PPFIA2: variants seen among roughly 807,000 people sequenced by gnomAD.
PPFIA2 encodes liprin-alpha-2.
PPFIA2 carries 46 observed loss-of-function variants against 175.5 expected under a neutral mutation model. That is an observed-to-expected ratio of 0.26 (90% confidence interval 0.21 to 0.34). PPFIA2 has a LOEUF of 0.34. Among genes scored for constraint, PPFIA2 ranks in the 10% least tolerant of loss-of-function variants. PPFIA2 has a pLI of 1.00. For missense variants in PPFIA2, 1,179 were observed against 1,506.1 expected, an observed-to-expected ratio of 0.78 and a Z score of 3.60; for synonymous variants, 568 against 511.4, an observed-to-expected ratio of 1.11 and a Z score of -1.49.
intron 4 of PPFIA2, among the ~76,000 whole-genome samples, chr12:81,659,677 T>C (rs2153544401): frequency 6.6e-6 from 1 of 152,276 alleles, no homozygotes; most frequent in South Asian, 2.1e-4. Context: ...CAGACTTTAA[T>C]GTCCCTGTCT....
At chr12:81,605,610 T>C (rs780570382) in intron 4 of PPFIA2, among the ~76,000 whole-genome samples, 2 of 151,796 alleles carry the variant, frequency 1.3e-5, no homozygotes, top group Admixed American at 6.6e-5. Flanking sequence ...GTTAAGTATG[T>C]AATATCACTA....
intron 6 of PPFIA2, among the ~76,000 whole-genome samples, chr12:81,442,161 A>G (rs1415964389): frequency 2.6e-5 from 4 of 152,148 alleles, no homozygotes; most frequent in Admixed American, 2.0e-4. Flanking sequence ...AAAATGAAAT[A>G]ATCATCTTTC....
At chr12:81,310,943 C>G (rs942493442) in intron 22 of PPFIA2, among the ~76,000 whole-genome samples, 5 of 151,966 alleles carry the variant, frequency 3.3e-5, no homozygotes, top group African/African-American at 1.2e-4. Flanking sequence ...TTTATATAGC[C>G]AACTAGTAAT....
chr12:81,345,071 C>T (rs1442988732), intron 18 of PPFIA2, among the ~76,000 whole-genome samples: 1 of 152,034 alleles, frequency 6.6e-6, no homozygotes, highest in African/African-American at 2.4e-5. Flanking sequence ...GAGTGAAGAT[C>T]CAATGCATAT....
intron 28 of PPFIA2, among the ~76,000 whole-genome samples, chr12:81,275,979 T>C (rs1435792840): frequency 6.6e-6 from 1 of 151,978 alleles, no homozygotes; most frequent in Non-Finnish European, 1.5e-5. Flanking sequence ...AGAAACAGGG[T>C]TTCACCATGT....
intron 4 of PPFIA2, among the ~76,000 whole-genome samples, chr12:81,561,771 T>A (rs992259709): frequency 6.6e-6 from 1 of 152,214 alleles, no homozygotes; most frequent in Non-Finnish European, 1.5e-5. Flanking sequence ...GTCTCCACTT[T>A]CTAGGCTTGC....
At chr12:81,417,350 A>G (rs1313588451) in intron 7 of PPFIA2, 1 of 149,572 alleles carries the variant, frequency 6.7e-6, no homozygotes, top group African/African-American at 2.5e-5. Context: ...GTAAGTATAC[A>G]TGTGTTTTTT....
chr12:81,268,516 A>C (rs2038114188), intron 28 of PPFIA2, among the ~76,000 whole-genome samples: 1 of 152,154 alleles, frequency 6.6e-6, no homozygotes, highest in Admixed American at 6.5e-5. Flanking sequence ...TGATTCATCC[A>C]CACTCTAATC....
At chr12:81,515,842 G>T (rs1237777501) in intron 4 of PPFIA2, among the ~76,000 whole-genome samples, 1 of 151,936 alleles carries the variant, frequency 6.6e-6, no homozygotes, top group Admixed American at 6.6e-5. Flanking sequence ...ACCCCAAATA[G>T]ATTTCTAGAG....
chr12:81,541,074 T>A (rs1460845878), intron 4 of PPFIA2, among the ~76,000 whole-genome samples: 2 of 152,128 alleles, frequency 1.3e-5, no homozygotes, highest in Non-Finnish European at 2.9e-5. Flanking sequence ...TCATTATGTA[T>A]TTAAACATTT....
Position 81,353,470 on chromosome 12 carries a change from AT to A in PPFIA2, c.1774-132del. The A allele has an allele frequency of 1.9e-5, 12 of 626,368 alleles. No homozygotes were observed. In the East Asian group the frequency reaches 3.3e-4, roughly 17 times the overall value. 38.8% of individuals were successfully genotyped at this position (626,368 alleles called of 1,614,324 possible). Reference sequence around the variant, plus strand: ...TGCAAAAACTGAACCAATTATTAACATTTTAATTTATTTGCTTCCATAAAAT... The same window carrying A: ...TGCAAAAACTGAACCAATTATTAACATTTAATTTATTTGCTTCCATAAAAT... On this transcript the variant is annotated intron_variant, in intron 16 of 32. Coordinates refer to ENST00000549396, the MANE Select transcript of PPFIA2 (RefSeq NM_003625.5).
chr12:81,515,412 T>G lies in PPFIA2; in HGVS notation c.304-57546A>C, dbSNP rs1209349415. 5.9e-5 allele frequency among the ~76,000 whole-genome samples: 9 copies of G among 152,076 alleles called. No individual in the cohort carries two copies. In the South Asian group the frequency reaches 1.9e-3, roughly 31 times the overall value. On this transcript the variant is annotated intron_variant, in intron 4 of 32. Transcript: ENST00000549396. ...CAAATCTAAAAGCATATTATTTATATTGATAAATATGCTGTGTTTACACAA... is the reference window on the plus strand; with the variant it reads ...CAAATCTAAAAGCATATTATTTATAGTGATAAATATGCTGTGTTTACACAA...
chr12:81,373,635 CT>C (rs2035701119), intron 11 of PPFIA2, among the ~76,000 whole-genome samples: 1 of 152,008 alleles, frequency 6.6e-6, no homozygotes, highest in South Asian at 2.1e-4. Context: ...AAAGGTTTGT[CT>C]TTCATTACCT....
intron 11 of PPFIA2, chr12:81,369,485 A>C: frequency 8.2e-7 from 1 of 1,214,388 alleles, no homozygotes; most frequent in Non-Finnish European, 1.0e-6. Flanking sequence ...GCCATTGTCC[A>C]ATCTTAAGCT....
intron 4 of PPFIA2, among the ~76,000 whole-genome samples, chr12:81,596,029 TAC>T (rs1360458287): frequency 6.6e-6 from 1 of 152,192 alleles, no homozygotes; most frequent in Non-Finnish European, 1.5e-5. Context: ...TTTCTCAAGA[TAC>T]AGTTTTTGAC....
At chr12:81,728,340 A>G (rs1049196285) in intron 3 of PPFIA2, among the ~76,000 whole-genome samples, 2 of 151,402 alleles carry the variant, frequency 1.3e-5, no homozygotes, top group Non-Finnish European at 3.0e-5. Flanking sequence ...AAAAATGTCA[A>G]TGGCAAAAAA....
At chr12:81,653,623 T>G (rs117227907) in intron 4 of PPFIA2, among the ~76,000 whole-genome samples, 1,999 of 152,168 alleles carry the variant, frequency 0.013, 23 homozygotes, top group Non-Finnish European at 0.021. Flanking sequence ...TAAATCCAGG[T>G]TGATTTCAAG....
intron 3 of PPFIA2, among the ~76,000 whole-genome samples, chr12:81,727,340 C>A (rs531724632): frequency 1.3e-5 from 2 of 151,260 alleles, no homozygotes; most frequent in Non-Finnish European, 3.0e-5. Flanking sequence ...CTCTTCTGTT[C>A]GCCACTTCTT....
At chr12:81,548,193 G>A (rs1594799318) in intron 4 of PPFIA2, among the ~76,000 whole-genome samples, 2 of 152,096 alleles carry the variant, frequency 1.3e-5, no homozygotes, top group South Asian at 4.1e-4. Flanking sequence ...TGACTCCAAA[G>A]GCTATTTTTC....
Sources: gnomAD v4.1 joint callset for allele counts (sites outside exome capture counted in the v4.1 genomes callset) on GRCh38, gnomAD v4.1.1 for gene constraint, MANE v1.5 for transcripts, NCBI Gene and HGNC (gene_info 2026-07-23, HGNC 2026-07-21) for gene names.